Variants in CSMD1 observed in about 807,000 individuals in gnomAD.
CSMD1 encodes CUB and Sushi multiple domains 1.
Under a neutral mutation model 417.5 loss-of-function variants are expected in CSMD1, and 213 were observed. The ratio of observed to expected loss-of-function variants is 0.51; its 90% CI spans 0.46 to 0.57. The LOEUF is 0.57. CSMD1 is among the 20% of genes least tolerant of loss of function. The pLI, the probability that CSMD1 is intolerant of heterozygous loss-of-function variation, is 0.00. For synonymous variants in CSMD1, 2,862 were observed against 1,736.8 expected, an observed-to-expected ratio of 1.65 and a Z score of -16.11; for missense variants, 6,923 against 4,529.7, an observed-to-expected ratio of 1.53 and a Z score of -15.17.
At chr8:3,402,623 C>A (rs1285266573) in intron 15 of CSMD1, among the ~76,000 whole-genome samples, 1 of 152,128 alleles carries the variant, frequency 6.6e-6, no homozygotes, top group Admixed American at 6.5e-5. Context: ...CTATTGTGAG[C>A]TTTTCACTGT....
chr8:3,673,850 G>A (rs1006669959), intron 7 of CSMD1, among the ~76,000 whole-genome samples: 2 of 152,148 alleles, frequency 1.3e-5, no homozygotes, highest in African/African-American at 4.8e-5. Flanking sequence ...AGGCATGGTG[G>A]CTCACCCCTG....
rs114596461 is a variant in CSMD1, at chr8:4,817,641, G to A, written c.85+176691C>T. 4.1e-3 allele frequency among the ~76,000 whole-genome samples: 626 copies of A among 152,282 alleles called. 4 individuals are homozygous for A. The highest frequency in any genetic ancestry group is 0.014 in the African/African-American group (597 of 41,562). On this transcript the variant is annotated intron_variant, in intron 1 of 69. Transcript: ENST00000635120. ...ATCAAAGGAAACAATTTAATAACAT[G>A]CATAAAATCAATGGTATTACAGGGC...
At chr8:3,195,792 C>T (rs1796672124) in intron 33 of CSMD1, among the ~76,000 whole-genome samples, 2 of 152,156 alleles carry the variant, frequency 1.3e-5, no homozygotes, top group Admixed American at 6.5e-5. Context: ...CAAGGCTGAA[C>T]ATATTCAACA....
At chr8:4,620,213 G>T (rs912315061) in intron 2 of CSMD1, among the ~76,000 whole-genome samples, 1 of 151,516 alleles carries the variant, frequency 6.6e-6, no homozygotes, top group East Asian at 1.9e-4. Flanking sequence ...GTAATATGGA[G>T]AATTATTTGA....
At chr8:3,848,411 T>A (rs201615656) in intron 5 of CSMD1, among the ~76,000 whole-genome samples, 3 of 152,232 alleles carry the variant, frequency 2.0e-5, no homozygotes, top group Non-Finnish European at 4.4e-5. Flanking sequence ...TTGGTGTTTT[T>A]TAAAACACAA....
At chr8:3,307,164 A>C (rs1253953064) in intron 25 of CSMD1, among the ~76,000 whole-genome samples, 1 of 152,066 alleles carries the variant, frequency 6.6e-6, no homozygotes, top group Non-Finnish European at 1.5e-5. Flanking sequence ...AGCCCATGAG[A>C]CTTGCTTTGA....
intron 50 of CSMD1, among the ~76,000 whole-genome samples, chr8:3,045,966 G>A (rs929433815): frequency 6.6e-6 from 1 of 152,196 alleles, no homozygotes; most frequent in African/African-American, 2.4e-5. Flanking sequence ...TACCAATATG[G>A]TGTGTAGCCC....
At chr8:4,377,444 G>C (rs545904883) in intron 3 of CSMD1, among the ~76,000 whole-genome samples, 8 of 152,232 alleles carry the variant, frequency 5.3e-5, no homozygotes, top group Admixed American at 2.0e-4. Flanking sequence ...AGGTTAAATT[G>C]ATTTTTTCCC....
At position 3,929,704 on chromosome 8, in the gene CSMD1, C is replaced by G. The variant is rs1323477123; in HGVS notation, c.818+68199G>C. ...TGAGATGGAGTTTCACTCTGTCTCC[C>G]AGGCTGGAGTGCATTGGCACAATCT... On this transcript the variant is annotated intron_variant, in intron 5 of 69. Transcript: ENST00000635120. Among the ~76,000 whole-genome samples the G allele has an allele frequency of 1.3e-5, 2 of 149,764 alleles. 1 individual carries two copies. Among genetic ancestry groups the G allele is most frequent in the Non-Finnish European group, 3.0e-5 (2 of 67,404 alleles).
At chr8:3,663,874 G>C (rs1585038764) in intron 7 of CSMD1, among the ~76,000 whole-genome samples, 3 of 152,238 alleles carry the variant, frequency 2.0e-5, no homozygotes, top group African/African-American at 4.8e-5. Context: ...TGTGTCACAG[G>C]CGCAACCTCA....
intron 1 of CSMD1, among the ~76,000 whole-genome samples, chr8:4,790,089 G>A (rs1395107792): frequency 6.6e-6 from 1 of 152,122 alleles, no homozygotes; most frequent in Non-Finnish European, 1.5e-5. Context: ...AGTTTTGTGG[G>A]AAAATACTAA....
chr8:3,315,699 A>G (rs1486146362), intron 23 of CSMD1, among the ~76,000 whole-genome samples: 4 of 152,186 alleles, frequency 2.6e-5, no homozygotes, highest in Non-Finnish European at 1.5e-5. Flanking sequence ...ACAGAAATGT[A>G]AACTTCTGAA....
chr8:4,131,428 C>T (rs575666206), intron 3 of CSMD1, among the ~76,000 whole-genome samples: 1 of 152,204 alleles, frequency 6.6e-6, no homozygotes, highest in African/African-American at 2.4e-5. Flanking sequence ...TCTCTCTCAA[C>T]TACCCCTGAG....
At chr8:4,381,790 C>A (rs145922907) in intron 3 of CSMD1, among the ~76,000 whole-genome samples, 2 of 152,108 alleles carry the variant, frequency 1.3e-5, no homozygotes, top group Non-Finnish European at 2.9e-5. Context: ...TTCTAGTTGA[C>A]CTTTTTCTGC....
At chr8:4,631,851 G>C (rs1318673195) in intron 2 of CSMD1, among the ~76,000 whole-genome samples, 5 of 152,140 alleles carry the variant, frequency 3.3e-5, no homozygotes, top group African/African-American at 1.2e-4. Flanking sequence ...AAATGCCAAA[G>C]CTATTTCCCT....
chr8:3,433,024 C>A (rs147937289), intron 12 of CSMD1, among the ~76,000 whole-genome samples: 1 of 152,062 alleles, frequency 6.6e-6, no homozygotes. Context: ...GCAAACAAGT[C>A]ATTGAAAAAA....
chr8:3,425,768 A>G (rs1440491369), intron 12 of CSMD1, among the ~76,000 whole-genome samples: 1 of 152,156 alleles, frequency 6.6e-6, no homozygotes, highest in Non-Finnish European at 1.5e-5. Context: ...TTTTTATTCA[A>G]TAGACAGCAA....
intron 3 of CSMD1, among the ~76,000 whole-genome samples, chr8:4,315,683 T>C (rs997370784): frequency 2.6e-5 from 4 of 152,178 alleles, no homozygotes; most frequent in African/African-American, 7.2e-5. Flanking sequence ...ATGATGATTA[T>C]AAAATAGCCA....
intron 2 of CSMD1, among the ~76,000 whole-genome samples, chr8:4,599,334 AC>A (rs1800457981): frequency 6.6e-6 from 1 of 151,960 alleles, no homozygotes; most frequent in Non-Finnish European, 1.5e-5. Flanking sequence ...GACAGACTTA[AC>A]CCCAGAATAG....
Sources: allele counts gnomAD v4.1 joint callset (sites outside exome capture counted in the v4.1 genomes callset), GRCh38; gene constraint gnomAD v4.1.1; transcripts MANE v1.5; gene names NCBI Gene and HGNC (gene_info 2026-07-23, HGNC 2026-07-21).